The following THUMPD3 variants were observed in gnomAD, a reference collection of about 807,000 sequenced individuals.
THUMPD3 encodes the protein THUMP domain 3 tRNA guanosine methyltransferase.
In THUMPD3, 44 loss-of-function variants were observed where a neutral mutation model predicts 54.5. The observed-to-expected ratio is 0.81, with a 90% CI of 0.63 to 1.04. The LOEUF (loss-of-function observed/expected upper bound fraction) is 1.04. Ranked by LOEUF, THUMPD3 falls within the 50% of genes least tolerant of loss-of-function variation. The pLI is 0.00. For missense variants in THUMPD3, 604 were observed against 601.3 expected, an observed-to-expected ratio of 1.00 and a Z score of -0.05; for synonymous variants, 196 against 201.4, an observed-to-expected ratio of 0.97 and a Z score of 0.23.
At chr3:9,381,726 T>TGTAC (rs1335587385) in intron 7 of THUMPD3, among the ~76,000 whole-genome samples, 2 of 150,566 alleles carry the variant, frequency 1.3e-5, no homozygotes, top group Non-Finnish European at 3.0e-5. Context: ...TTTTATCTTG[T>TGTAC]TTGTACCTAC....
chr3:9,378,019 A>G, intron 6 of THUMPD3, 131 bp downstream of exon 6: 1 of 718,720 alleles, frequency 1.4e-6, no homozygotes, highest in South Asian at 1.9e-5. Context: ...ACAATTAACA[A>G]TAGAAAGTGG....
intron 7 of THUMPD3, 61 bp downstream of exon 7, chr3:9,380,679 C>CTT (rs1179597474): frequency 9.9e-5 from 124 of 1,248,920 alleles, no homozygotes; most frequent in Non-Finnish European, 3.9e-5. Context: ...TTTATATTGA[C>CTT]TTTATGAATT....
rs1258582190 is a variant in THUMPD3, at chr3:9,385,142, A to G, written c.*454A>G. 1 of 154,522 alleles carries G rather than the reference A, an allele frequency of 6.5e-6. No individual in the cohort carries two copies. The highest frequency in any genetic ancestry group is 1.4e-5 in the Non-Finnish European group (1 of 69,488). 9.6% of individuals were successfully genotyped at this position (154,522 alleles called of 1,614,324 possible). ...GCGACAAGAGCGAAACTCTGTCTCA[A>G]AAAGATTTTATAAGAAAGCAGAGCT... is the stretch of plus-strand genomic sequence containing the variant. On this transcript the variant is annotated 3_prime_UTR_variant, in exon 10 of 10. Transcript: ENST00000452837.
intron 6 of THUMPD3, among the ~76,000 whole-genome samples, chr3:9,378,280 A>G (rs1333921574): frequency 1.3e-5 from 2 of 152,250 alleles, no homozygotes; most frequent in Non-Finnish European, 2.9e-5. Flanking sequence ...GGGAATAAGT[A>G]TAGTTGTAAA....
intron 1 of THUMPD3, chr3:9,364,020 T>C (rs2600188): frequency 0.89 from 135,299 of 151,826 alleles, 60,689 homozygotes; most frequent in East Asian, 1. Context: ...CTCAGCTCCC[T>C]AAAGTGCTGG....
At chr3:9,381,545 G>T (rs1048335591) in intron 7 of THUMPD3, among the ~76,000 whole-genome samples, 1 of 151,546 alleles carries the variant, frequency 6.6e-6, no homozygotes, top group Non-Finnish European at 1.5e-5. Flanking sequence ...CAAGTAGTTG[G>T]AAGGCTTCAA....
rs2031021824 is a variant in THUMPD3 at position 9,363,141 on chromosome 3, GT to G, written c.-54+16del. The G allele has an allele frequency of 6.6e-6, 1 of 152,538 alleles. No homozygotes were observed. Among genetic ancestry groups the G allele is most frequent in the Non-Finnish European group, 1.5e-5 (1 of 68,302 alleles). The allele number at this position is 152,538 out of a possible 1,614,324, so 9.4% of individuals were successfully genotyped here. On this transcript the variant is annotated intron_variant, in intron 1 of 9. Coordinates refer to ENST00000452837, the MANE Select transcript of THUMPD3 (RefSeq NM_001114092.2). ...CGCTGGCGGCCGGTAACTGGCGGCG[GT>G]TGGGAACGGCCGAGTGTGGCTCTTC...
At position 9,384,715 on chromosome 3, in the gene THUMPD3, C is replaced by G. The variant is rs752955264; in HGVS notation, c.*27C>G. 3.1e-6 allele frequency: 5 copies of G among 1,611,700 alleles called. No individual in the cohort carries two copies. The highest frequency in any genetic ancestry group is 4.2e-6 in the Non-Finnish European group (5 of 1,178,266). ...GATGACTAATAGTACTTGTACTTCC[C>G]ACCACTGGAAATGTTAGCATAAAAG... is the stretch of plus-strand genomic sequence containing the variant. On this transcript the variant is annotated 3_prime_UTR_variant, in exon 10 of 10. Coordinates refer to ENST00000452837, the MANE Select transcript of THUMPD3 (RefSeq NM_001114092.2).
chr3:9,365,256 C>G lies in THUMPD3; in HGVS notation c.188C>G (p.Ser63Ter). 1.2e-6 allele frequency: 2 copies of G among 1,614,156 alleles called. No individual in the cohort carries two copies. Among genetic ancestry groups the G allele is most frequent in the Non-Finnish European group, 8.5e-7 (1 of 1,180,034 alleles). Residue 63 changes from serine to a stop codon, truncating the protein, a stop_gained, in exon 2 of 10, where the codon TCA (serine) becomes TGA (stop). Coordinates refer to ENST00000452837, the MANE Select transcript of THUMPD3 (RefSeq NM_001114092.2). LOFTEE classifies it high-confidence loss of function. ...ADEVREKLGS[S>*]CKISRDRGKI... ...GAAGTCAGAGAGAAACTTGGGTCAT[C>G]ATGCAAAATCAGCAGAGACCGTGGC...
rs753019122 is a variant in THUMPD3, at chr3:9,380,644, A to G, written c.1124+26A>G. 2.6e-6 allele frequency: 4 copies of G among 1,515,588 alleles called. No individual in the cohort carries two copies. The East Asian group carries it at 6.9e-5, about 26-fold the overall frequency. 93.9% of individuals were successfully genotyped at this position (1,515,588 alleles called of 1,614,324 possible). On this transcript the variant is annotated intron_variant, in intron 7 of 9. Coordinates refer to ENST00000452837, the MANE Select transcript of THUMPD3 (RefSeq NM_001114092.2). ...GTAAAAATTTAAAAGATTTCTTAGC[A>G]TCTTTTAGAGTTAGAGAATCACTTT...
In THUMPD3 at chr3:9,380,616, A is replaced by C. The variant is rs1323704471; in HGVS notation, c.1122A>C (p.Glu374Asp). ...TATTGACCAAGAGCCAAATTAAAGA[A>C]GGGTAAAAATTTAAAAGATTTCTTA... ...ASLLTKSQIK[E>D]GKPSWGLPID... is the part of the protein sequence containing the mutation. Residue 374 changes from glutamate (E) to aspartate (D), a missense_variant and splice_region_variant, in exon 7 of 10, where the codon GAA (glutamate) becomes GAC (aspartate). By Grantham distance (45) the Glu-to-Asp change is conservative. Coordinates refer to ENST00000452837, the MANE Select transcript of THUMPD3 (RefSeq NM_001114092.2). 7 of 1,602,668 alleles carry C rather than the reference A, an allele frequency of 4.4e-6. No homozygotes were observed. In the Admixed American group the frequency reaches 1.0e-4, roughly 23 times the overall value.
rs1381580665 is a variant in THUMPD3, at chr3:9,386,402, A to AC, written c.*1715dup. On this transcript the variant is annotated 3_prime_UTR_variant, in exon 10 of 10. Coordinates refer to ENST00000452837, the MANE Select transcript of THUMPD3 (RefSeq NM_001114092.2). ...CCCCCCACCCCCCACTCCACCCCCC[A>AC]CTAAGGGCAGGGTATTGTATCTGCC... 1 of 6,724 alleles carries AC rather than the reference A, an allele frequency of 1.5e-4. No individual in the cohort carries two copies. The highest frequency in any genetic ancestry group is 3.2e-4 in the Non-Finnish European group (1 of 3,154). 0.4% of individuals were successfully genotyped at this position (6,724 alleles called of 1,614,324 possible).
chr3:9,383,363 G>T (rs567158886), intron 8 of THUMPD3, 54 bp downstream of exon 8: 2 of 1,398,702 alleles, frequency 1.4e-6, no homozygotes, highest in African/African-American at 2.8e-5. Context: ...TTTTCCTTGC[G>T]TTTATTCTAA....
chr3:9,383,400 CAG>C, intron 8 of THUMPD3, 91 bp downstream of exon 8: 1 of 875,804 alleles, frequency 1.1e-6, no homozygotes, highest in Non-Finnish European at 1.8e-6. Context: ...TGAATTTTAG[CAG>C]ACTTAGCAGA....
At chr3:9,366,256 C>CT (rs2031557555) in intron 2 of THUMPD3, among the ~76,000 whole-genome samples, 1 of 152,156 alleles carries the variant, frequency 6.6e-6, no homozygotes, top group African/African-American at 2.4e-5. Context: ...ACTGCAATCT[C>CT]ACTATCATAA....
chr3:9,368,487 C>T (rs556336658), intron 3 of THUMPD3, among the ~76,000 whole-genome samples: 15 of 151,974 alleles, frequency 9.9e-5, no homozygotes, highest in East Asian at 9.7e-4. Context: ...CTCAGCCTCC[C>T]GAGTAGCTGG....
rs749589231 is a variant in THUMPD3 at position 9,376,369 on chromosome 3, A to G, written c.939-1450A>G. ...TCTCTTCTCATCTACATGCTTTCTC[A>G]TCTAAATTTATGTATTTCCAATTCC... On this transcript the variant is annotated intron_variant, in intron 5 of 9. Coordinates refer to ENST00000452837, the MANE Select transcript of THUMPD3 (RefSeq NM_001114092.2). Among the ~76,000 whole-genome samples, 127 of 152,310 alleles carry G rather than the reference A, an allele frequency of 8.3e-4. 1 individual carries two copies. The highest frequency in any genetic ancestry group is 1.1e-3 in the Non-Finnish European group (73 of 68,026).
At position 9,371,619 on chromosome 3, in the gene THUMPD3, A is replaced by T. The variant is rs138070860; in HGVS notation, c.807+83A>T. On this transcript the variant is annotated intron_variant, in intron 4 of 9. Transcript: ENST00000452837. ...TCCAGACTAACCCAATGTTATGCAC[A>T]ATTAAACTGAGGAAATAGTAGGGTG... The T allele has an allele frequency of 3.4e-5, 40 of 1,163,744 alleles. No individual in the cohort carries two copies. The African/African-American group carries it at 6.0e-4, about 17-fold the overall frequency. The allele number at this position is 1,163,744 out of a possible 1,614,324, so 72.1% of individuals were successfully genotyped here. A position where few individuals can be genotyped will look rare whatever the true frequency, so the allele number is the denominator to read the frequency against.
At chr3:9,374,733 T>G (rs762327269) in intron 5 of THUMPD3, 87 bp downstream of exon 5, 292 of 1,462,082 alleles carry the variant, frequency 2.0e-4, no homozygotes, top group Non-Finnish European at 2.6e-4. Flanking sequence ...GTATGTGTGT[T>G]TGAGGTACTG....
Sources: allele counts gnomAD v4.1 joint callset (sites outside exome capture counted in the v4.1 genomes callset), GRCh38; gene constraint gnomAD v4.1.1; transcripts MANE v1.5; gene names NCBI Gene and HGNC (gene_info 2026-07-23, HGNC 2026-07-21).